The following PLA1A variants were observed in gnomAD, a reference collection of about 807,000 sequenced individuals.
The protein encoded by PLA1A is phospholipase A1 member A.
In PLA1A, 47 loss-of-function variants were observed where a neutral mutation model predicts 49.4. The ratio of observed to expected loss-of-function variants is 0.95; its 90% CI spans 0.75 to 1.21. The LOEUF (loss-of-function observed/expected upper bound fraction) is 1.21, where lower values mean the gene tolerates loss of function less well. Ranked by LOEUF, PLA1A falls within the 50% of genes most tolerant of loss-of-function variation. PLA1A has a pLI of 0.00. For missense variants in PLA1A, 561 were observed against 563.9 expected (o/e 0.99, Z 0.05); for synonymous variants, 224 against 207.9 (o/e 1.08, Z -0.67).
chr3:119,627,071 C>G (rs1015536759), intron 9 of PLA1A, among the ~76,000 whole-genome samples: 1 of 150,182 alleles, frequency 6.7e-6, no homozygotes, highest in Non-Finnish European at 1.5e-5. Flanking sequence ...CCAATCACAT[C>G]AGGGTCTCTG....
At chr3:119,606,126 A>C (rs1577138273) in intron 1 of PLA1A, among the ~76,000 whole-genome samples, 1 of 152,212 alleles carries the variant, frequency 6.6e-6, no homozygotes, top group African/African-American at 2.4e-5. Context: ...GGATACCATA[A>C]GGAAGTGCCA....
At chr3:119,601,220 G>A (rs2082614689) in intron 1 of PLA1A, among the ~76,000 whole-genome samples, 1 of 152,342 alleles carries the variant, frequency 6.6e-6, no homozygotes, top group African/African-American at 2.4e-5. Context: ...GCCCATGGGG[G>A]ATACCGATCT....
Position 119,597,899 on chromosome 3 carries a change from A to G in PLA1A, c.-15A>G. On this transcript the variant is annotated 5_prime_UTR_variant, in exon 1 of 11. Coordinates refer to ENST00000273371, the MANE Select transcript of PLA1A (RefSeq NM_015900.4). ...GGAATTACTCCATACCAGCTCTGAGATTTCCAGCTCAGCGATGCCCCCAGG... is the reference window on the plus strand; with the variant it reads ...GGAATTACTCCATACCAGCTCTGAGGTTTCCAGCTCAGCGATGCCCCCAGG... 1 of 1,587,714 alleles carries G rather than the reference A, an allele frequency of 6.3e-7. No homozygotes were observed. Among genetic ancestry groups the G allele is most frequent in the Non-Finnish European group, 8.6e-7 (1 of 1,160,808 alleles).
chr3:119,608,897 A>G lies in PLA1A; in HGVS notation c.403A>G (p.Asn135Asp). 1.2e-6 allele frequency: 2 copies of G among 1,614,092 alleles called. No homozygotes were observed. Among genetic ancestry groups the G allele is most frequent in the Non-Finnish European group, 1.7e-6 (2 of 1,179,984 alleles). ...STGVYFSAVK[N>D]VIKLSLEISL... is the part of the protein sequence containing the mutation. Reference sequence around the variant, plus strand: ...AGGAGTCTACTTCTCAGCTGTGAAAAATGTGATTAAGTTGAGCCTCGAGAT... The same window carrying G: ...AGGAGTCTACTTCTCAGCTGTGAAAGATGTGATTAAGTTGAGCCTCGAGAT... The change falls in exon 3 of 11, where the codon AAT becomes GAT. Residue 135 changes from asparagine to aspartate, a missense_variant. Transcript: ENST00000273371.
chr3:119,608,755 TGGCCCCC>T lies in PLA1A; in HGVS notation c.276-14_276-8del. The T allele has an allele frequency of 6.3e-7, 1 of 1,586,096 alleles. No homozygotes were observed. The highest frequency in any genetic ancestry group is 8.6e-7 in the Non-Finnish European group (1 of 1,165,844). On this transcript the variant is annotated splice_region_variant and splice_polypyrimidine_tract_variant and intron_variant, in intron 2 of 10. Coordinates refer to ENST00000273371, the MANE Select transcript of PLA1A (RefSeq NM_015900.4). Reference sequence around the variant, plus strand: ...GGCAGGTAATTTTTCCATTCTTTTTTGGCCCCCTGTCTAGGGTTTTAGGAACAAAGCC... The same window carrying T: ...GGCAGGTAATTTTTCCATTCTTTTTTTGTCTAGGGTTTTAGGAACAAAGCC...
At chr3:119,617,993 C>T (rs1159091814) in intron 6 of PLA1A, 26 bp from the exon 7 acceptor site, 1 of 1,567,392 alleles carries the variant, frequency 6.4e-7, no homozygotes, top group South Asian at 1.2e-5. Context: ...TGACTGAAAC[C>T]TTGGTTGTGT....
chr3:119,624,270 A>G lies in PLA1A; in HGVS notation c.1013-854A>G, dbSNP rs536877491. 1.6e-4 allele frequency among the ~76,000 whole-genome samples: 24 copies of G among 152,314 alleles called. No homozygotes were observed. The South Asian group carries it at 5.0e-3, about 32-fold the overall frequency. On this transcript the variant is annotated intron_variant, in intron 8 of 10. Coordinates refer to ENST00000273371, the MANE Select transcript of PLA1A (RefSeq NM_015900.4). ...GTGTTCACACACAGCAGAACGCAGGAGGTCAAATAAGGGCCCTGCCAATTC... is the reference window on the plus strand; with the variant it reads ...GTGTTCACACACAGCAGAACGCAGGGGGTCAAATAAGGGCCCTGCCAATTC...
intron 5 of PLA1A, among the ~76,000 whole-genome samples, 194 bp from the exon 6 acceptor site, chr3:119,615,818 G>A (rs956800272): frequency 1.3e-5 from 2 of 148,374 alleles, no homozygotes; most frequent in African/African-American, 2.6e-5. Context: ...AAAAAAGAAA[G>A]CCTCAGAAAA....
intron 5 of PLA1A, 50 bp from the exon 6 acceptor site, chr3:119,615,962 G>A (rs770309120): frequency 7.3e-6 from 9 of 1,241,352 alleles, no homozygotes; most frequent in South Asian, 6.2e-5. Flanking sequence ...GGTCCGCTGT[G>A]AGCCGACCCC....
rs757668151 is a variant in PLA1A at position 119,606,905 on chromosome 3, G to T, written c.205G>T (p.Gly69Ter). The T allele has an allele frequency of 3.1e-6, 5 of 1,614,180 alleles. No homozygotes were observed. The highest frequency in any genetic ancestry group is 4.2e-6 in the Non-Finnish European group (5 of 1,180,008). Residue 69 changes from glycine (G) to a stop codon, truncating the protein, a stop_gained, in exon 2 of 11, where the codon GGA becomes TGA. Transcript: ENST00000273371. LOFTEE classifies it high-confidence loss of function. ...TCCTAGCTGTGGGCAGCTAGTAGAA[G>T]GAAGCAGTGACCTCCAAAACTCTGG... is the stretch of plus-strand genomic sequence containing the variant. ...SNPSCGQLVEGSSDLQNSGFN... is the reference protein window; with the variant it reads ...SNPSCGQLVE
At chr3:119,610,926 A>G (rs2082756195) in intron 4 of PLA1A, among the ~76,000 whole-genome samples, 1 of 152,196 alleles carries the variant, frequency 6.6e-6, no homozygotes, top group African/African-American at 2.4e-5. Context: ...ATTTTCTTCT[A>G]GGATTTTTAC....
Position 119,613,456 on chromosome 3 carries a change from C to T in PLA1A, c.664+338C>T, listed in dbSNP as rs539373699. The stretch of plus-strand genomic sequence containing the variant: ...AGGGCATTGCTGCCTGGCTGACTTA[C>T]GGGAAAGTCATGAAGATTTTTTAGG... On this transcript the variant is annotated intron_variant, in intron 5 of 10. Transcript: ENST00000273371. Among the ~76,000 whole-genome samples the T allele has an allele frequency of 8.5e-5, 13 of 152,334 alleles. No homozygotes were observed. In the East Asian group the frequency reaches 1.9e-3, roughly 23 times the overall value.
chr3:119,619,888 A>C (rs1221782420), intron 8 of PLA1A, among the ~76,000 whole-genome samples: 1 of 152,116 alleles, frequency 6.6e-6, no homozygotes, highest in East Asian at 1.9e-4. Context: ...CTTACCCTCA[A>C]AATTTACCCT....
At chr3:119,614,073 C>T (rs2082809773) in intron 5 of PLA1A, among the ~76,000 whole-genome samples, 2 of 152,122 alleles carry the variant, frequency 1.3e-5, no homozygotes, top group African/African-American at 4.8e-5. Context: ...GTGGTGGGTG[C>T]AGGGAGAAAT....
rs140419248 is a variant in PLA1A, at chr3:119,609,473, G to A, written c.459G>A (p.Leu153=). ...CACTGTTCCTGCTCTTCTAGGTGCT[G>A]GGTGTGTCGGAATCCTCAATCCACA... ...ISLFLNKLLV[L]GVSESSIHII... Residue 153 remains leucine (L), a synonymous_variant, in exon 4 of 11, where the codon CTG becomes CTA. Coordinates refer to ENST00000273371, the MANE Select transcript of PLA1A (RefSeq NM_015900.4). 3.8e-5 allele frequency: 61 copies of A among 1,602,858 alleles called. No individual in the cohort carries two copies. The African/African-American group carries it at 5.5e-4, about 14-fold the overall frequency.
In PLA1A at chr3:119,608,919, A is replaced by G. The variant is rs1185881244; in HGVS notation, c.425A>G (p.Glu142Gly). Residue 142 changes from glutamate (E) to glycine (G), a missense_variant, in exon 3 of 11, where the codon GAG becomes GGG. By Grantham distance (98) the Glu-to-Gly change is moderately conservative. Coordinates refer to ENST00000273371, the MANE Select transcript of PLA1A (RefSeq NM_015900.4). Reference sequence around the variant, plus strand: ...AAAAATGTGATTAAGTTGAGCCTCGAGATCTCCCTTTTCCTCAATAAACTC... The same window carrying G: ...AAAAATGTGATTAAGTTGAGCCTCGGGATCTCCCTTTTCCTCAATAAACTC... ...AVKNVIKLSLEISLFLNKLLV... is the reference protein window; with the variant it reads ...AVKNVIKLSLGISLFLNKLLV... The G allele has an allele frequency of 1.2e-6, 2 of 1,614,110 alleles. No individual in the cohort carries two copies. Among genetic ancestry groups the G allele is most frequent in the African/African-American group, 2.7e-5 (2 of 75,038 alleles).
At chr3:119,624,634 A>AT (rs79356811) in intron 8 of PLA1A, among the ~76,000 whole-genome samples, 329 of 143,798 alleles carry the variant, frequency 2.3e-3, no homozygotes, top group East Asian at 7.7e-3. Context: ...TAGGGTATCT[A>AT]TTTTTTTTTT....
intron 9 of PLA1A, among the ~76,000 whole-genome samples, chr3:119,625,470 G>A (rs2052509860): frequency 6.6e-6 from 1 of 152,192 alleles, no homozygotes; most frequent in East Asian, 1.9e-4. Context: ...GCAGGCAGCA[G>A]GGATGGCATG....
intron 5 of PLA1A, among the ~76,000 whole-genome samples, chr3:119,614,964 G>A (rs1014484328): frequency 1.3e-5 from 2 of 152,112 alleles, no homozygotes; most frequent in South Asian, 4.1e-4. Context: ...CAAAGGTGGT[G>A]GCAGTAAAGA....
Sources: allele counts gnomAD v4.1 joint callset (sites outside exome capture counted in the v4.1 genomes callset), GRCh38; gene constraint gnomAD v4.1.1; transcripts MANE v1.5; gene names NCBI Gene and HGNC (gene_info 2026-07-23, HGNC 2026-07-21).